The following RANBP2 variants were observed in gnomAD, a reference collection of about 807,000 sequenced individuals.
RANBP2 encodes the protein RAN binding protein 2.
RANBP2 carries 57 observed loss-of-function variants against 303.6 expected under a neutral mutation model. That is an observed-to-expected ratio of 0.19 (90% CI 0.15 to 0.23). The LOEUF (loss-of-function observed/expected upper bound fraction) is 0.23, where lower values mean the gene tolerates loss of function less well. RANBP2 is among the 10% of genes least tolerant of loss of function. The probability of loss-of-function intolerance (pLI) is 1.00; values close to 1 mark genes in which losing one functional copy is unlikely to be tolerated. For missense variants in RANBP2, 3,138 were observed against 3,780.8 expected, an observed-to-expected ratio of 0.83 and a Z score of 4.46; for synonymous variants, 1,167 against 1,301.5, an observed-to-expected ratio of 0.90 and a Z score of 2.23.
the RANBP2 span, among the ~76,000 whole-genome samples, chr2:109,135,847 TC>T: frequency 1.3e-5 from 2 of 152,294 alleles, no homozygotes; most frequent in African/African-American, 4.8e-5. Flanking sequence ...GAGGCAGTGT[TC>T]ATGATTCTTA....
the RANBP2 span, among the ~76,000 whole-genome samples, chr2:109,204,370 T>C: frequency 6.6e-6 from 1 of 152,238 alleles, no homozygotes; most frequent in African/African-American, 2.4e-5. Flanking sequence ...CCTTATCTTA[T>C]CTTTTAAATC....
the RANBP2 span, among the ~76,000 whole-genome samples, chr2:109,656,092 A>G: frequency 2.6e-5 from 4 of 152,284 alleles, 1 homozygote; most frequent in South Asian, 8.3e-4. Flanking sequence ...TCCCTGCCTC[A>G]GCAGGATGAT....
chr2:109,310,072 A>T, the RANBP2 span, among the ~76,000 whole-genome samples: 1 of 111,518 alleles, frequency 9.0e-6, no homozygotes, highest in South Asian at 3.0e-4. Flanking sequence ...CTATTCCAAA[A>T]TTGACCACAT....
At chr2:109,500,607 A>G in the RANBP2 span, among the ~76,000 whole-genome samples, 1 of 152,192 alleles carries the variant, frequency 6.6e-6, no homozygotes, top group African/African-American at 2.4e-5. Flanking sequence ...GCCAGTTCCA[A>G]TGCTAAGGCA....
the RANBP2 span, among the ~76,000 whole-genome samples, chr2:109,152,751 CG>C: frequency 6.6e-6 from 1 of 151,618 alleles, no homozygotes; most frequent in Non-Finnish European, 1.5e-5. Context: ...GGCAGAGGGG[CG>C]GGGGGGACCC....
At chr2:108,963,788 C>T in the RANBP2 span, among the ~76,000 whole-genome samples, 2 of 152,218 alleles carry the variant, frequency 1.3e-5, no homozygotes, top group African/African-American at 4.8e-5. Context: ...CAAAGAGGGA[C>T]CCTTCCATCT....
the RANBP2 span, among the ~76,000 whole-genome samples, chr2:108,954,112 C>T: frequency 1.1e-4 from 16 of 152,224 alleles, no homozygotes; most frequent in Admixed American, 4.6e-4. Flanking sequence ...GGAAAAGTAA[C>T]GCACCTTATC....
chr2:109,730,195 A>G, the RANBP2 span, among the ~76,000 whole-genome samples: 48 of 152,180 alleles, frequency 3.2e-4, no homozygotes, highest in Non-Finnish European at 6.8e-4. Flanking sequence ...GGAACATGTT[A>G]TATCACTTTG....
chr2:109,159,643 A>G, the RANBP2 span, among the ~76,000 whole-genome samples: 1 of 152,230 alleles, frequency 6.6e-6, no homozygotes, highest in Non-Finnish European at 1.5e-5. Flanking sequence ...ACTGGGTTGC[A>G]CAGCAGGAGG....
intron 15 of RANBP2, among the ~76,000 whole-genome samples, chr2:108,754,664 G>A (rs1676156572): frequency 6.6e-6 from 1 of 151,554 alleles, no homozygotes; most frequent in Non-Finnish European, 1.5e-5. Context: ...ATGTTAGATT[G>A]TACAACACTT....
the RANBP2 span, among the ~76,000 whole-genome samples, chr2:109,306,782 C>T: frequency 6.6e-6 from 1 of 152,202 alleles, no homozygotes. Context: ...TAAAAAACTA[C>T]AGGGACCTTT....
chr2:108,762,139 C>A lies in RANBP2; in HGVS notation c.2641C>A (p.Pro881Thr). 1 of 1,595,226 alleles carries A rather than the reference C, an allele frequency of 6.3e-7. No individual in the cohort carries two copies. The highest frequency in any genetic ancestry group is 8.5e-7 in the Non-Finnish European group (1 of 1,179,030). The change falls in exon 19 of 29, where the codon CCA (proline) becomes ACA (threonine). Residue 881 changes from proline to threonine, a missense_variant. Pro to Thr is a conservative substitution (Grantham distance 38). Around this residue, in one of 20 missense-constraint regions of RANBP2, gnomAD observed 26 missense variants for 58.0 expected, o/e 0.45. Coordinates refer to ENST00000283195, the MANE Select transcript of RANBP2 (RefSeq NM_006267.5). ...CCCTTCAGTATATTATAGTCAGTCA[C>A]CAGCATATAATTCCCAGTATCTTCT... ...TGPSVYYSQS[P>T]AYNSQYLLRP...
chr2:109,519,939 C>T, the RANBP2 span, among the ~76,000 whole-genome samples: 7 of 152,118 alleles, frequency 4.6e-5, no homozygotes, highest in African/African-American at 1.2e-4. Context: ...GAAGCATCTG[C>T]GTGAGGATGG....
At chr2:109,472,731 C>G in the RANBP2 span, among the ~76,000 whole-genome samples, 1 of 152,220 alleles carries the variant, frequency 6.6e-6, no homozygotes, top group African/African-American at 2.4e-5. Context: ...GAGATTTCAT[C>G]TGAATGCATT....
At chr2:109,740,229 C>T in the RANBP2 span, among the ~76,000 whole-genome samples, 14 of 151,908 alleles carry the variant, frequency 9.2e-5, no homozygotes, top group African/African-American at 3.1e-4. Context: ...CCTCATGATC[C>T]GCCTGCCTCG....
the RANBP2 span, among the ~76,000 whole-genome samples, chr2:108,913,230 T>C: frequency 6.6e-6 from 1 of 152,008 alleles, no homozygotes; most frequent in East Asian, 1.9e-4. Context: ...ATTACAGGCA[T>C]GAGCCACCGC....
At chr2:109,178,452 T>TAGCA in the RANBP2 span, among the ~76,000 whole-genome samples, 3 of 152,228 alleles carry the variant, frequency 2.0e-5, no homozygotes, top group South Asian at 6.2e-4. Context: ...TGGTCTCCTG[T>TAGCA]AGCAGGTCCT....
At chr2:108,933,281 C>A in the RANBP2 span, among the ~76,000 whole-genome samples, 10 of 152,106 alleles carry the variant, frequency 6.6e-5, no homozygotes, top group Admixed American at 3.3e-4. Flanking sequence ...ACTGAGGGAG[C>A]ATTCTGGGGA....
At chr2:109,035,123 G>A in the RANBP2 span, among the ~76,000 whole-genome samples, 1 of 152,160 alleles carries the variant, frequency 6.6e-6, no homozygotes, top group Admixed American at 6.5e-5. Context: ...TATGTTTTTT[G>A]TAAGATATTG....
Sources: gnomAD v4.1 joint callset for allele counts (sites outside exome capture counted in the v4.1 genomes callset) on GRCh38, gnomAD v4.1.1 for gene constraint, gnomAD v4.1.1 regional missense constraint, MANE v1.5 for transcripts, NCBI Gene and HGNC (gene_info 2026-07-23, HGNC 2026-07-21) for gene names.